The following PSD3 variants were observed in gnomAD, a reference collection of about 807,000 sequenced individuals.
The protein encoded by PSD3 is PH and SEC7 domain-containing protein 3.
A neutral mutation model predicts 105.5 loss-of-function variants in PSD3; 49 were observed. That is an observed-to-expected ratio of 0.46 (90% CI 0.37 to 0.59). The LOEUF is 0.59. Ranked by LOEUF, PSD3 falls within the 20% of genes least tolerant of loss-of-function variation. The pLI is 0.00. For missense variants in PSD3, 1,561 were observed against 1,263.8 expected (o/e 1.24, Z -3.57); for synonymous variants, 557 against 457.8 (o/e 1.22, Z -2.77).
At chr8:18,954,600 C>T (rs1265786621) in intron 1 of PSD3, among the ~76,000 whole-genome samples, 1 of 152,138 alleles carries the variant, frequency 6.6e-6, no homozygotes, top group Non-Finnish European at 1.5e-5. Context: ...TACCAAGGGA[C>T]ACTGTCTATC....
At chr8:18,912,509 T>C (rs1377712974) in intron 2 of PSD3, among the ~76,000 whole-genome samples, 1 of 152,218 alleles carries the variant, frequency 6.6e-6, no homozygotes, top group South Asian at 2.1e-4. Flanking sequence ...AAGGAAAACC[T>C]AAAAATCTTT....
chr8:18,649,351 G>A (rs1255736919), intron 10 of PSD3, among the ~76,000 whole-genome samples: 1 of 152,202 alleles, frequency 6.6e-6, no homozygotes, highest in Non-Finnish European at 1.5e-5. Context: ...TATTATTGGA[G>A]CTTTAAGATT....
At chr8:18,976,400 C>T (rs1824946459) in intron 1 of PSD3, among the ~76,000 whole-genome samples, 1 of 152,140 alleles carries the variant, frequency 6.6e-6, no homozygotes, top group African/African-American at 2.4e-5. Flanking sequence ...TAGAAAGGTA[C>T]AGTGACACAG....
At chr8:19,061,281 C>A (rs1213688272) in intron 1 of PSD3, among the ~76,000 whole-genome samples, 1 of 152,018 alleles carries the variant, frequency 6.6e-6, no homozygotes, top group African/African-American at 2.4e-5. Context: ...TTCAGTTGGT[C>A]AAGATCCTTA....
chr8:18,878,125 CTTTAA>C (rs1817856579), intron 2 of PSD3, among the ~76,000 whole-genome samples: 1 of 152,022 alleles, frequency 6.6e-6, no homozygotes, highest in Admixed American at 6.5e-5. Flanking sequence ...ACTTAATCTT[CTTTAA>C]TTTCTTTTAG....
At chr8:18,545,574 G>T (rs1469430674) in intron 15 of PSD3, among the ~76,000 whole-genome samples, 1 of 152,140 alleles carries the variant, frequency 6.6e-6, no homozygotes, top group Non-Finnish European at 1.5e-5. Flanking sequence ...TGCTATCTGG[G>T]TAAGAGACTA....
chr8:19,017,690 C>A (rs1827221013), upstream of PSD3, among the ~76,000 whole-genome samples: 1 of 152,174 alleles, frequency 6.6e-6, no homozygotes, highest in Middle Eastern at 3.2e-3. Context: ...GCTTCTTGCA[C>A]TTATCATAAT....
intron 1 of PSD3, among the ~76,000 whole-genome samples, chr8:19,034,993 A>G (rs1232423544): frequency 6.6e-6 from 1 of 151,922 alleles, no homozygotes; most frequent in Non-Finnish European, 1.5e-5. Flanking sequence ...TCTTCTAGAG[A>G]TGGATGCTCA....
intron 4 of PSD3, among the ~76,000 whole-genome samples, chr8:18,827,428 GCAGT>G (rs1262114794): frequency 1.3e-5 from 2 of 152,334 alleles, no homozygotes; most frequent in East Asian, 3.9e-4. Context: ...CGAAGATGGG[GCAGT>G]CAGAGAGGGG....
At chr8:18,831,480 G>A (rs948963498) in intron 4 of PSD3, among the ~76,000 whole-genome samples, 9 of 152,180 alleles carry the variant, frequency 5.9e-5, no homozygotes, top group Non-Finnish European at 7.3e-5. Flanking sequence ...CCAGCACTTT[G>A]GGAGGCCGAG....
At chr8:18,621,982 G>A (rs899622530) in intron 11 of PSD3, among the ~76,000 whole-genome samples, 5 of 152,154 alleles carry the variant, frequency 3.3e-5, no homozygotes, top group African/African-American at 1.2e-4. Context: ...AATTTGACAT[G>A]TGGGACTAAA....
chr8:18,706,067 G>C (rs995913162), intron 9 of PSD3, among the ~76,000 whole-genome samples: 2 of 152,104 alleles, frequency 1.3e-5, no homozygotes, highest in Non-Finnish European at 2.9e-5. Context: ...GCACTGTATA[G>C]GTTGGCTCAG....
At chr8:18,667,055 T>C (rs1223068566) in intron 9 of PSD3, among the ~76,000 whole-genome samples, 1 of 151,948 alleles carries the variant, frequency 6.6e-6, no homozygotes, top group East Asian at 1.9e-4. Context: ...GCTTCAGGAG[T>C]GAAGCTGCAG....
At chr8:18,796,197 G>A in intron 8 of PSD3, among the ~76,000 whole-genome samples, 1 of 152,080 alleles carries the variant, frequency 6.6e-6, no homozygotes. Context: ...ACTTCAGATT[G>A]TTTTTTATCT....
chr8:18,841,254 C>T (rs1417938262), intron 4 of PSD3, among the ~76,000 whole-genome samples: 1 of 152,136 alleles, frequency 6.6e-6, no homozygotes, highest in African/African-American at 2.4e-5. Flanking sequence ...AATATTCATG[C>T]ATGCTCAGGC....
intron 2 of PSD3, among the ~76,000 whole-genome samples, chr8:18,910,049 G>T (rs918254527): frequency 1.3e-5 from 2 of 152,072 alleles, no homozygotes; most frequent in African/African-American, 4.8e-5. Flanking sequence ...CGAAGAGTTC[G>T]CTCCCCTCCC....
intron 15 of PSD3, among the ~76,000 whole-genome samples, chr8:18,542,712 T>G (rs1206972272): frequency 6.6e-6 from 1 of 152,166 alleles, no homozygotes; most frequent in Non-Finnish European, 1.5e-5. Flanking sequence ...TTGTTGACAA[T>G]GCCTCTAACT....
At chr8:18,731,348 T>C (rs1364413866) in intron 9 of PSD3, among the ~76,000 whole-genome samples, 1 of 152,120 alleles carries the variant, frequency 6.6e-6, no homozygotes, top group Admixed American at 6.5e-5. Context: ...TGTTAAAAAA[T>C]AAAGACCAGA....
intron 2 of PSD3, among the ~76,000 whole-genome samples, chr8:18,887,942 C>G (rs1443425423): frequency 6.6e-6 from 1 of 152,126 alleles, no homozygotes; most frequent in Non-Finnish European, 1.5e-5. Flanking sequence ...CTATGATTAA[C>G]CCATTTTATA....
Sources: gnomAD v4.1 joint callset for allele counts (sites outside exome capture counted in the v4.1 genomes callset) on GRCh38, gnomAD v4.1.1 for gene constraint, MANE v1.5 for transcripts, NCBI Gene and HGNC (gene_info 2026-07-23, HGNC 2026-07-21) for gene names.